Variants in WASF2 observed in about 807,000 individuals in gnomAD.
WASF2 encodes the protein WASP family member 2.
WASF2 carries 14 observed loss-of-function variants against 45.0 expected under a neutral mutation model. The observed-to-expected ratio is 0.31, with a 90% CI of 0.21 to 0.49. The LOEUF (loss-of-function observed/expected upper bound fraction) is 0.49, where lower values mean the gene tolerates loss of function less well. Among genes scored for constraint, WASF2 ranks in the 20% least tolerant of loss-of-function variants. WASF2 has a pLI of 0.99. For missense variants in WASF2, 439 were observed against 636.1 expected (o/e 0.69, Z 3.33); for synonymous variants, 200 against 236.3 (o/e 0.85, Z 1.41).
At chr1:27,465,237 T>C (rs1218715574) in intron 1 of WASF2, among the ~76,000 whole-genome samples, 1 of 152,232 alleles carries the variant, frequency 6.6e-6, no homozygotes, top group Non-Finnish European at 1.5e-5. Context: ...AGCTGAAGTT[T>C]ACCTCTGCAC....
intron 1 of WASF2, among the ~76,000 whole-genome samples, chr1:27,461,747 T>A (rs553225786): frequency 6.6e-6 from 1 of 152,188 alleles, no homozygotes; most frequent in East Asian, 1.9e-4. Flanking sequence ...GTGCTGGGAT[T>A]ACAGGCGTGA....
At chr1:27,466,683 C>T (rs1285005077) in intron 1 of WASF2, among the ~76,000 whole-genome samples, 1 of 152,066 alleles carries the variant, frequency 6.6e-6, no homozygotes, top group African/African-American at 2.4e-5. Context: ...GCCTGGGCAA[C>T]ATAATGAAGC....
intron 2 of WASF2, among the ~76,000 whole-genome samples, chr1:27,420,053 CACCACCATGCCAA>C (rs2016884964): frequency 6.6e-6 from 1 of 152,044 alleles, no homozygotes; most frequent in Non-Finnish European, 1.5e-5. Flanking sequence ...TACAGATGCG[CACCACCATGCCAA>C]ACTAATTTTT....
At chr1:27,415,376 A>G (rs892862172) in intron 5 of WASF2, among the ~76,000 whole-genome samples, 5 of 152,220 alleles carry the variant, frequency 3.3e-5, no homozygotes, top group African/African-American at 1.2e-4. Flanking sequence ...AAACAAAACA[A>G]AACAAAAATC....
intron 1 of WASF2, among the ~76,000 whole-genome samples, chr1:27,487,481 AAT>A (rs973479094): frequency 3.5e-5 from 4 of 115,432 alleles, no homozygotes; most frequent in Non-Finnish European, 5.1e-5. Context: ...ATTTTATATA[AAT>A]ATATATTATA....
rs1322573326 is a variant in WASF2 at position 27,477,771 on chromosome 1, C to A, written c.-44+12215G>T. Among the ~76,000 whole-genome samples the A allele has an allele frequency of 1.6e-5, 2 of 125,270 alleles. 1 individual carries two copies. The highest frequency in any genetic ancestry group is 7.2e-5 in the African/African-American group (2 of 27,608). The allele number at this position is 125,270 out of a possible 152,430, so 82.2% of individuals were successfully genotyped here. A position where few individuals can be genotyped will look rare whatever the true frequency, so the allele number is the denominator to read the frequency against. On this transcript the variant is annotated intron_variant, in intron 1 of 8. Coordinates refer to ENST00000618852, the MANE Select transcript of WASF2 (RefSeq NM_006990.5). ...AAAATTAGCCGGGCGTAGTGGCGGGCGCCTGTAGTCCCAGCTACTTGGGAG... is the reference window on the plus strand; with the variant it reads ...AAAATTAGCCGGGCGTAGTGGCGGGAGCCTGTAGTCCCAGCTACTTGGGAG...
Position 27,425,825 on chromosome 1 carries a change from T to C in WASF2, c.130+2936A>G, listed in dbSNP as rs866927550. Among the ~76,000 whole-genome samples, 505 of 100,112 alleles carry C rather than the reference T, an allele frequency of 5.0e-3. 2 individuals are homozygous for C. The highest frequency in any genetic ancestry group is 0.02 in the African/African-American group (492 of 24,794). 65.7% of individuals were successfully genotyped at this position (100,112 alleles called of 152,430 possible). A position where few individuals can be genotyped will look rare whatever the true frequency, so the allele number is the denominator to read the frequency against. On this transcript the variant is annotated intron_variant, in intron 2 of 8. Transcript: ENST00000618852. The stretch of plus-strand genomic sequence containing the variant: ...CTGCACTCCAGCCTGGGCAACAGAG[T>C]GAGACTCCGTCTCAAAAAAAAAAAA...
At chr1:27,411,596 G>GT (rs1296356507) in intron 7 of WASF2, among the ~76,000 whole-genome samples, 1 of 152,238 alleles carries the variant, frequency 6.6e-6, no homozygotes, top group African/African-American at 2.4e-5. Flanking sequence ...GGGCATGGTG[G>GT]CTCATGCCTG....
rs1193336649 is a variant in WASF2, at chr1:27,442,785, G to A, written c.-43-13852C>T. ...TAGGGGGCCGAGGTGGGCGGATCACGAGGTCAGGAGTTTGCGACCAGCCTG... is the reference window on the plus strand; with the variant it reads ...TAGGGGGCCGAGGTGGGCGGATCACAAGGTCAGGAGTTTGCGACCAGCCTG... On this transcript the variant is annotated intron_variant, in intron 1 of 8. Transcript: ENST00000618852. 2.0e-5 allele frequency among the ~76,000 whole-genome samples: 3 copies of A among 151,074 alleles called. No homozygotes were observed. In the East Asian group the frequency reaches 5.9e-4, roughly 30 times the overall value.
intron 1 of WASF2, among the ~76,000 whole-genome samples, chr1:27,458,393 AG>A (rs1183793269): frequency 6.7e-6 from 1 of 149,976 alleles, no homozygotes. Flanking sequence ...CAAGGCAAAT[AG>A]GTATTTATTT....
rs2016746901 is a variant in WASF2 at position 27,410,457 on chromosome 1, T to C, written c.825-251A>G. On this transcript the variant is annotated intron_variant, in intron 7 of 8. Coordinates refer to ENST00000618852, the MANE Select transcript of WASF2 (RefSeq NM_006990.5). The surrounding 1 kb of genome is among the most constrained non-coding windows in gnomAD (Gnocchi z 4.2). Reference sequence around the variant, plus strand: ...GTAAAACTACCTGCAAGAAGTGGACTTGAGATTCCTCTATCAGGTACAGGC... The same window carrying C: ...GTAAAACTACCTGCAAGAAGTGGACCTGAGATTCCTCTATCAGGTACAGGC... Among the ~76,000 whole-genome samples, 1 of 152,214 alleles carries C rather than the reference T, an allele frequency of 6.6e-6. No homozygotes were observed. Among genetic ancestry groups the C allele is most frequent in the Non-Finnish European group, 1.5e-5 (1 of 68,038 alleles).
Position 27,428,923 on chromosome 1 carries a change from T to C in WASF2, c.-33A>G. On this transcript the variant is annotated 5_prime_UTR_variant, in exon 2 of 9. Transcript: ENST00000618852. Reference sequence around the variant, plus strand: ...CTGCTTCAGGCAATGTTCTGAATGGTGAAAAACAACCTAAAAAAGAAATAA... The same window carrying C: ...CTGCTTCAGGCAATGTTCTGAATGGCGAAAAACAACCTAAAAAAGAAATAA... 13 of 1,611,138 alleles carry C rather than the reference T, an allele frequency of 8.1e-6. No individual in the cohort carries two copies. Among genetic ancestry groups the C allele is most frequent in the Non-Finnish European group, 1.1e-5 (13 of 1,178,692 alleles).
At chr1:27,454,175 AT>A (rs2017430325) in intron 1 of WASF2, among the ~76,000 whole-genome samples, 2 of 33,970 alleles carry the variant, frequency 5.9e-5, no homozygotes, top group African/African-American at 2.5e-4. Context: ...ATATATATAT[AT>A]ATATATATAT....
At chr1:27,408,390 C>G (rs1339915657) in intron 8 of WASF2, 44 bp from the exon 9 acceptor site, 1 of 1,612,054 alleles carries the variant, frequency 6.2e-7, no homozygotes, top group Non-Finnish European at 8.5e-7. Context: ...GTGTCCTCAG[C>G]CTTGGAATCC....
At chr1:27,462,985 A>C (rs964099011) in intron 1 of WASF2, among the ~76,000 whole-genome samples, 1 of 151,846 alleles carries the variant, frequency 6.6e-6, no homozygotes, top group African/African-American at 2.4e-5. Flanking sequence ...ATGCCTGGCT[A>C]ATTTTAGTAT....
intron 5 of WASF2, 51 bp downstream of exon 5, chr1:27,415,934 C>G: frequency 6.7e-7 from 1 of 1,483,022 alleles, no homozygotes; most frequent in Non-Finnish European, 9.4e-7. Flanking sequence ...TTTTATCCCC[C>G]TCCACAATCG....
rs993160844 is a variant in WASF2 at position 27,419,162 on chromosome 1, G to C, written c.131-74C>G. On this transcript the variant is annotated intron_variant, in intron 2 of 8. Coordinates refer to ENST00000618852, the MANE Select transcript of WASF2 (RefSeq NM_006990.5). Reference sequence around the variant, plus strand: ...ATGGTCACAAAAACTGGCTACTAAAGATCGTGTTCCCTAACCCCCAAACAC... The same window carrying C: ...ATGGTCACAAAAACTGGCTACTAAACATCGTGTTCCCTAACCCCCAAACAC... 4.5e-6 allele frequency: 7 copies of C among 1,565,264 alleles called. No homozygotes were observed. In the African/African-American group the frequency reaches 8.1e-5, roughly 18 times the overall value.
intron 1 of WASF2, among the ~76,000 whole-genome samples, chr1:27,457,791 T>C (rs2017492632): frequency 6.6e-6 from 1 of 152,008 alleles, no homozygotes; most frequent in Non-Finnish European, 1.5e-5. Flanking sequence ...TGGCTAATTT[T>C]TAAAAATTTT....
chr1:27,424,213 A>C (rs958676954), intron 2 of WASF2, among the ~76,000 whole-genome samples: 2 of 152,184 alleles, frequency 1.3e-5, no homozygotes, highest in Non-Finnish European at 2.9e-5. Flanking sequence ...CAAGGTCATG[A>C]GCCTGAAGCA....
Sources: allele counts gnomAD v4.1 joint callset (sites outside exome capture counted in the v4.1 genomes callset), GRCh38; gene constraint gnomAD v4.1.1; non-coding constraint Gnocchi (gnomAD v3.1); transcripts MANE v1.5; gene names NCBI Gene and HGNC (gene_info 2026-07-23, HGNC 2026-07-21).